TMEM168: variants seen among roughly 807,000 people sequenced by gnomAD.
TMEM168 encodes transmembrane protein 168.
Under a neutral mutation model 53.2 loss-of-function variants are expected in TMEM168, and 40 were observed. That is an observed-to-expected ratio of 0.75 (90% confidence interval 0.58 to 0.98). The LOEUF (loss-of-function observed/expected upper bound fraction) is 0.98, where lower values mean the gene tolerates loss of function less well. Among genes scored for constraint, TMEM168 ranks in the 50% least tolerant of loss-of-function variants. The pLI is 0.00. For missense variants in TMEM168, 771 were observed against 828.8 expected (o/e 0.93, Z 0.86); for synonymous variants, 282 against 293.0 (o/e 0.96, Z 0.38).
At chr7:112,770,281 GC>G in intron 4 of TMEM168, among the ~76,000 whole-genome samples, 1 of 152,116 alleles carries the variant, frequency 6.6e-6, no homozygotes, top group Non-Finnish European at 1.5e-5. Context: ...GATGCCTCAG[GC>G]CATGCATGAC....
In TMEM168 at chr7:112,767,260, T is replaced by A; in HGVS notation, c.2031A>T (p.Lys677Asn). Residue 677 changes from lysine to asparagine, a missense_variant, in exon 5 of 5, where the codon AAA (lysine) becomes AAT (asparagine). Transcript: ENST00000312814. ...KTCFRCLKRL[K>N]MSWFLPTVLD... ...GCACAGTAGGAAGAAACCAACTCAT[T>A]TTTAATCTTTTCAAGCACCTAAAAC... 1 of 1,614,078 alleles carries A rather than the reference T, an allele frequency of 6.2e-7. No individual in the cohort carries two copies. Among genetic ancestry groups the A allele is most frequent in the Admixed American group, 1.7e-5 (1 of 60,004 alleles).
At chr7:112,786,956 A>G (rs1246473598) in intron 1 of TMEM168, among the ~76,000 whole-genome samples, 1 of 152,118 alleles carries the variant, frequency 6.6e-6, no homozygotes, top group Non-Finnish European at 1.5e-5. Context: ...CTCTACTTAT[A>G]TCTCCGAATA....
rs775825781 is a variant in TMEM168, at chr7:112,784,143, C to T, written c.683G>A (p.Cys228Tyr). Residue 228 changes from cysteine (C) to tyrosine (Y), a missense_variant, in exon 2 of 5, where the codon TGT (cysteine) becomes TAT (tyrosine). Cys to Tyr is a radical substitution (Grantham distance 194, BLOSUM62 -2). Coordinates refer to ENST00000312814, the MANE Select transcript of TMEM168 (RefSeq NM_022484.6). ...ETPKNPIAFA[C>Y]FFICLITDPF... Reference sequence around the variant, plus strand: ...ATCAGTTATCAGGCAAATAAAAAAACACGCAAAAGCAATCGGATTTTTGGG... The same window carrying T: ...ATCAGTTATCAGGCAAATAAAAAAATACGCAAAAGCAATCGGATTTTTGGG... 6.2e-7 allele frequency: 1 copy of T among 1,613,840 alleles called. No homozygotes were observed. Among genetic ancestry groups the T allele is most frequent in the South Asian group, 1.1e-5 (1 of 91,000 alleles).
Position 112,772,985 on chromosome 7 carries a change from G to T in TMEM168, c.1342C>A (p.Leu448Ile), listed in dbSNP as rs751171840. The change falls in exon 4 of 5, where the codon CTC (leucine) becomes ATC (isoleucine). Residue 448 changes from leucine (L) to isoleucine (I), a missense_variant. By Grantham distance (5) the Leu-to-Ile change is conservative (BLOSUM62 2). Transcript: ENST00000312814. ...QELNLRSTGM[L>I]NAIQRFFAYH... The stretch of plus-strand genomic sequence containing the variant: ...GCAAAAAATCTTTGGATAGCATTGA[G>T]CATGCCAGTAGACCTCAAATTTAAC... The T allele has an allele frequency of 6.2e-7, 1 of 1,614,038 alleles. No homozygotes were observed.
At chr7:112,789,342 A>G (rs1793478685) in intron 1 of TMEM168, among the ~76,000 whole-genome samples, 1 of 152,132 alleles carries the variant, frequency 6.6e-6, no homozygotes, top group African/African-American at 2.4e-5. Context: ...TGTCTTCAAT[A>G]CTGTACACCC....
intron 2 of TMEM168, among the ~76,000 whole-genome samples, chr7:112,778,847 G>T (rs1351978713): frequency 6.6e-6 from 1 of 152,248 alleles, no homozygotes; most frequent in East Asian, 1.9e-4. Context: ...AATAACAGAT[G>T]ATCTGTTACT....
At chr7:112,778,913 G>T (rs1322182201) in intron 2 of TMEM168, among the ~76,000 whole-genome samples, 2 of 152,116 alleles carry the variant, frequency 1.3e-5, no homozygotes, top group African/African-American at 2.4e-5. Flanking sequence ...CTGATTGACA[G>T]GGTCTCACTC....
chr7:112,785,768 A>G (rs976391727), intron 1 of TMEM168, among the ~76,000 whole-genome samples: 1 of 152,236 alleles, frequency 6.6e-6, no homozygotes, highest in Non-Finnish European at 1.5e-5. Flanking sequence ...TAAAGCTTCC[A>G]CAAGTCACAC....
At chr7:112,776,010 TACTC>T (rs936170954) in intron 2 of TMEM168, among the ~76,000 whole-genome samples, 2 of 149,994 alleles carry the variant, frequency 1.3e-5, no homozygotes, top group Non-Finnish European at 3.0e-5. Context: ...GCAGAAAAAA[TACTC>T]ATTTAAGTGA....
chr7:112,772,784 C>T lies in TMEM168; in HGVS notation c.1543G>A (p.Ala515Thr), dbSNP rs979376847. The change falls in exon 4 of 5, where the codon GCA (alanine) becomes ACA (threonine). Residue 515 changes from alanine to threonine, a missense_variant. Physicochemically the swap from Ala to Thr is moderately conservative, Grantham distance 58. Transcript: ENST00000312814. Reference sequence around the variant, plus strand: ...AAACTGCCAAAGGTGAGTTTACCTGCTAGAGCCCACTCTCCTGTACCATGG... The same window carrying T: ...AAACTGCCAAAGGTGAGTTTACCTGTTAGAGCCCACTCTCCTGTACCATGG... The part of the protein sequence containing the change: ...HTHGTGEWAL[A>T]GGDTLRLDTL... 5.6e-6 allele frequency: 9 copies of T among 1,610,280 alleles called. No individual in the cohort carries two copies. Among genetic ancestry groups the T allele is most frequent in the Non-Finnish European group, 7.6e-6 (9 of 1,177,034 alleles).
chr7:112,767,243 G>C lies in TMEM168; in HGVS notation c.2048C>G (p.Pro683Arg). ...GCCTTGTCCTGTGTCCAGCACAGTAGGAAGAAACCAACTCATTTTTAATCT... is the reference window on the plus strand; with the variant it reads ...GCCTTGTCCTGTGTCCAGCACAGTACGAAGAAACCAACTCATTTTTAATCT... ...LKRLKMSWFL[P>R]TVLDTGQGFK... Residue 683 changes from proline (P) to arginine (R), a missense_variant, in exon 5 of 5, where the codon CCT becomes CGT. Coordinates refer to ENST00000312814, the MANE Select transcript of TMEM168 (RefSeq NM_022484.6). 12 of 1,614,064 alleles carry C rather than the reference G, an allele frequency of 7.4e-6. No homozygotes were observed. The highest frequency in any genetic ancestry group is 1.0e-5 in the Non-Finnish European group (12 of 1,179,982).
intron 4 of TMEM168, among the ~76,000 whole-genome samples, chr7:112,770,139 A>G (rs1223858913): frequency 6.6e-6 from 1 of 152,236 alleles, no homozygotes; most frequent in Non-Finnish European, 1.5e-5. Context: ...TCCTCAGAGC[A>G]GAGATATTCA....
intron 4 of TMEM168, 132 bp from the exon 5 acceptor site, chr7:112,767,876 A>G (rs1222181459): frequency 4.5e-6 from 3 of 672,598 alleles, no homozygotes; most frequent in Admixed American, 7.4e-5. Flanking sequence ...CTTAGAATTA[A>G]ATAAGCAAAA....
chr7:112,788,422 G>C (rs933496241), intron 1 of TMEM168: 1 of 152,176 alleles, frequency 6.6e-6, no homozygotes, highest in African/African-American at 2.4e-5. Context: ...GTGAAGTACA[G>C]TGCATCCATA....
chr7:112,786,232 T>C (rs1449526872), intron 1 of TMEM168, among the ~76,000 whole-genome samples: 1 of 152,126 alleles, frequency 6.6e-6, no homozygotes, highest in African/African-American at 2.4e-5. Flanking sequence ...CCACGAGTTT[T>C]TGATTAGTTT....
Position 112,771,041 on chromosome 7 carries a change from C to A in TMEM168, c.1546+1740G>T, listed in dbSNP as rs530015967. Among the ~76,000 whole-genome samples, 23 of 152,170 alleles carry A rather than the reference C, an allele frequency of 1.5e-4. 1 individual carries two copies. In the South Asian group the frequency reaches 4.8e-3, roughly 32 times the overall value. ...GTGCTCTGAGTTGGAATACACAGAA[C>A]GTTATACTTTACCTGAAACTGAAGT... On this transcript the variant is annotated intron_variant, in intron 4 of 4. Coordinates refer to ENST00000312814, the MANE Select transcript of TMEM168 (RefSeq NM_022484.6).
intron 4 of TMEM168, among the ~76,000 whole-genome samples, chr7:112,770,028 T>C (rs950945169): frequency 1.3e-5 from 2 of 152,166 alleles, no homozygotes; most frequent in Non-Finnish European, 2.9e-5. Context: ...CAAAGTTTGC[T>C]GAAAAAACAA....
intron 2 of TMEM168, among the ~76,000 whole-genome samples, chr7:112,775,945 TAGAC>T (rs1355803654): frequency 6.6e-6 from 1 of 151,442 alleles, no homozygotes; most frequent in East Asian, 1.9e-4. Context: ...GAATGGAAAG[TAGAC>T]AGGCAGAAGA....
intron 2 of TMEM168, among the ~76,000 whole-genome samples, chr7:112,783,006 G>A (rs1793271707): frequency 6.6e-6 from 1 of 152,198 alleles, no homozygotes. Flanking sequence ...CTGGCATATA[G>A]TGCATAGTCA....
Sources: allele counts gnomAD v4.1 joint callset (sites outside exome capture counted in the v4.1 genomes callset), GRCh38; gene constraint gnomAD v4.1.1; transcripts MANE v1.5; gene names NCBI Gene and HGNC (gene_info 2026-07-23, HGNC 2026-07-21).